PTCHD4: variants seen among roughly 807,000 people sequenced by gnomAD.
PTCHD4 encodes patched domain containing 4.
PTCHD4 carries 33 observed loss-of-function variants against 58.1 expected under a neutral mutation model. The observed-to-expected ratio is 0.57, with a 90% CI of 0.43 to 0.76. PTCHD4 has a LOEUF of 0.76. Ranked by LOEUF, PTCHD4 falls within the 30% of genes least tolerant of loss-of-function variation. The pLI, the probability that PTCHD4 is intolerant of heterozygous loss-of-function variation, is 0.00. For missense variants in PTCHD4, 1,058 were observed against 1,027.1 expected (o/e 1.03, Z -0.41); for synonymous variants, 478 against 409.6 (o/e 1.17, Z -2.02).
rs753209801 is a variant in PTCHD4 at position 48,008,940 on chromosome 6, G to A, written c.592C>T (p.Leu198Phe). 4 of 1,613,968 alleles carry A rather than the reference G, an allele frequency of 2.5e-6. No individual in the cohort carries two copies. The highest frequency in any genetic ancestry group is 2.2e-5 in the South Asian group (2 of 91,082). Reference sequence around the variant, plus strand: ...TGCTCCTCCTGGAGCTTCCTTATAAGCTTACAGAACTCATTCTCCCACTTC... The same window carrying A: ...TGCTCCTCCTGGAGCTTCCTTATAAACTTACAGAACTCATTCTCCCACTTC... ...GEKWENEFCK[L>F]IRKLQEEHQE... Residue 198 changes from leucine to phenylalanine, a missense_variant, in exon 4 of 5, where the codon CTT becomes TTT. Transcript: ENST00000339488.
At chr6:47,984,605 C>G (rs897972607) in intron 4 of PTCHD4, among the ~76,000 whole-genome samples, 1 of 152,032 alleles carries the variant, frequency 6.6e-6, no homozygotes. Flanking sequence ...AAAAATGATT[C>G]TTTTAAATAA....
At chr6:48,066,944 C>A (rs1764820092) in intron 3 of PTCHD4, among the ~76,000 whole-genome samples, 1 of 151,746 alleles carries the variant, frequency 6.6e-6, no homozygotes, top group South Asian at 2.1e-4. Flanking sequence ...TAGATGCCGA[C>A]TATATCAAAT....
intron 4 of PTCHD4, among the ~76,000 whole-genome samples, chr6:47,922,827 C>T (rs1421424320): frequency 6.6e-6 from 1 of 152,162 alleles, no homozygotes; most frequent in Non-Finnish European, 1.5e-5. Context: ...TACTGGTTTT[C>T]CTTGCCTAAA....
chr6:48,005,588 G>C (rs546401656), intron 4 of PTCHD4, among the ~76,000 whole-genome samples: 1 of 152,262 alleles, frequency 6.6e-6, no homozygotes, highest in Non-Finnish European at 1.5e-5. Flanking sequence ...ATAGCAATAT[G>C]CTTTTATGTC....
intron 4 of PTCHD4, among the ~76,000 whole-genome samples, chr6:48,007,942 A>G (rs1026986931): frequency 6.8e-4 from 93 of 136,082 alleles, no homozygotes; most frequent in Middle Eastern, 7.1e-3. Context: ...GCGCGCACAC[A>G]CACACACACA....
At position 48,108,369 on chromosome 6, in the gene PTCHD4, G is replaced by A. The variant is rs571953992; in HGVS notation, c.-970+2680C>T. Among the ~76,000 whole-genome samples, 171 of 151,994 alleles carry A rather than the reference G, an allele frequency of 1.1e-3. 1 individual carries two copies. Among genetic ancestry groups the A allele is most frequent in the South Asian group, 5.6e-3 (27 of 4,812 alleles). On this transcript the variant is annotated intron_variant, in intron 1 of 4. Coordinates refer to ENST00000339488, the MANE Select transcript of PTCHD4 (RefSeq NM_001384253.1). ...CGCAAGGACAAAAAAACCAAACACC[G>A]CATGTTCTCACTCATAGGTGGGAAT...
At chr6:47,931,081 G>A (rs894180015) in intron 4 of PTCHD4, among the ~76,000 whole-genome samples, 6 of 152,172 alleles carry the variant, frequency 3.9e-5, no homozygotes, top group South Asian at 2.1e-4. Flanking sequence ...CACCGCACCC[G>A]GCCGAGCATT....
At chr6:48,079,518 C>T (rs1004421275) in intron 1 of PTCHD4, among the ~76,000 whole-genome samples, 3 of 151,640 alleles carry the variant, frequency 2.0e-5, no homozygotes, top group Non-Finnish European at 4.4e-5. Flanking sequence ...GTACAGTATT[C>T]CCTACTTCTG....
At chr6:48,028,403 TA>T in intron 3 of PTCHD4, among the ~76,000 whole-genome samples, 1 of 152,146 alleles carries the variant, frequency 6.6e-6, no homozygotes, top group Middle Eastern at 3.4e-3. Context: ...TGAGTGGATA[TA>T]AAAAAGTCAT....
Position 47,859,336 on chromosome 6 carries a change from AG to A in PTCHD4, c.*18966del, listed in dbSNP as rs937646299. ...CAAAGGAAACCATGTCTTTTGTTAA[AG>A]TTTAAGCTACTGATAAATATTTAAG... On this transcript the variant is annotated 3_prime_UTR_variant, in exon 5 of 5. Coordinates refer to ENST00000339488, the MANE Select transcript of PTCHD4 (RefSeq NM_001384253.1). 2.6e-5 allele frequency among the ~76,000 whole-genome samples: 4 copies of A among 152,058 alleles called. No homozygotes were observed. The highest frequency in any genetic ancestry group is 5.9e-5 in the Non-Finnish European group (4 of 67,990).
chr6:47,998,757 G>C (rs1481885360), intron 4 of PTCHD4, among the ~76,000 whole-genome samples: 1 of 152,078 alleles, frequency 6.6e-6, no homozygotes, highest in East Asian at 1.9e-4. Flanking sequence ...CCTTTAAAAG[G>C]TCTAGCAAAA....
At chr6:47,908,432 T>A (rs1453710328) in intron 4 of PTCHD4, among the ~76,000 whole-genome samples, 2 of 152,190 alleles carry the variant, frequency 1.3e-5, no homozygotes, top group African/African-American at 4.8e-5. Flanking sequence ...TCACATGCAT[T>A]GACTAATGCC....
Position 47,874,643 on chromosome 6 carries a change from A to C in PTCHD4, c.*3660T>G, listed in dbSNP as rs1211158602. ...ATTCAAGAATAACTATAATAGCATC[A>C]TAAAACATTTGTCATCATTATTCTT... On this transcript the variant is annotated 3_prime_UTR_variant, in exon 5 of 5. Transcript: ENST00000339488. Among the ~76,000 whole-genome samples, 3 of 151,812 alleles carry C rather than the reference A, an allele frequency of 2.0e-5. No homozygotes were observed. Among genetic ancestry groups the C allele is most frequent in the African/African-American group, 7.2e-5 (3 of 41,416 alleles).
chr6:47,901,175 A>T (rs1764686042), intron 4 of PTCHD4: 2 of 150,426 alleles, frequency 1.3e-5, no homozygotes, highest in South Asian at 4.2e-4. Flanking sequence ...AAAAAAAATA[A>T]TAAAATAAAA....
intron 4 of PTCHD4, among the ~76,000 whole-genome samples, chr6:47,980,640 A>T (rs1161553490): frequency 6.6e-6 from 1 of 152,028 alleles, no homozygotes; most frequent in Non-Finnish European, 1.5e-5. Context: ...AAAATAAATG[A>T]TTAAACTTTG....
chr6:47,927,245 C>G (rs1001217468), intron 4 of PTCHD4, among the ~76,000 whole-genome samples: 1 of 152,210 alleles, frequency 6.6e-6, no homozygotes, highest in Non-Finnish European at 1.5e-5. Flanking sequence ...TACAAGGAGG[C>G]AAAATCTCTG....
intron 3 of PTCHD4, among the ~76,000 whole-genome samples, chr6:48,054,751 A>G (rs774341803): frequency 6.6e-5 from 10 of 152,216 alleles, no homozygotes; most frequent in Non-Finnish European, 1.0e-4. Flanking sequence ...CATGCACCCT[A>G]TGATGACAAC....
At chr6:48,073,343 C>G (rs1765008700) in intron 1 of PTCHD4, among the ~76,000 whole-genome samples, 1 of 152,188 alleles carries the variant, frequency 6.6e-6, no homozygotes, top group African/African-American at 2.4e-5. Flanking sequence ...TAGCTGAGTT[C>G]TAGGCCAATT....
rs115789189 is a variant in PTCHD4, at chr6:48,012,312, T to C, written c.418-3198A>G. ...ATGCATTGTAAGTTGTATTCCTAGGTATTTTATTCTTTTTTGTAGCCATTG... is the reference window on the plus strand; with the variant it reads ...ATGCATTGTAAGTTGTATTCCTAGGCATTTTATTCTTTTTTGTAGCCATTG... On this transcript the variant is annotated intron_variant, in intron 3 of 4. Transcript: ENST00000339488. Among the ~76,000 whole-genome samples, 818 of 152,290 alleles carry C rather than the reference T, an allele frequency of 5.4e-3. 9 individuals carry two copies. Among genetic ancestry groups the C allele is most frequent in the African/African-American group, 0.019 (790 of 41,548 alleles).
Sources: allele counts gnomAD v4.1 joint callset (sites outside exome capture counted in the v4.1 genomes callset), GRCh38; gene constraint gnomAD v4.1.1; transcripts MANE v1.5; gene names NCBI Gene and HGNC (gene_info 2026-07-23, HGNC 2026-07-21).